The following KLRK1 variants were observed in gnomAD, a reference collection of about 807,000 sequenced individuals.
KLRK1 encodes killer cell lectin like receptor K1, also known as NKG2-D type II integral membrane protein.
KLRK1 carries 40 observed loss-of-function variants against 31.3 expected under a neutral mutation model. That is an observed-to-expected ratio of 1.28 (90% CI 0.99 to 1.67). The LOEUF (loss-of-function observed/expected upper bound fraction) is 1.67. Among genes scored for constraint, KLRK1 ranks in the 40% most tolerant of loss-of-function variants. The probability of loss-of-function intolerance (pLI) is 0.00; values close to 1 mark genes in which losing one functional copy is unlikely to be tolerated. For missense variants in KLRK1, 251 were observed against 260.0 expected, an observed-to-expected ratio of 0.97 and a Z score of 0.24; for synonymous variants, 77 against 77.3, an observed-to-expected ratio of 1.00 and a Z score of 0.02.
chr12:10,375,638 T>C lies in KLRK1; in HGVS notation c.534-2407A>G, dbSNP rs146607867. Among the ~76,000 whole-genome samples the C allele has an allele frequency of 3.9e-3, 601 of 152,292 alleles. 4 individuals carry two copies. The highest frequency in any genetic ancestry group is 0.014 in the African/African-American group (577 of 41,562). ...TTTACAATCTAGAGGACTTCTGCAA[T>C]ATTTGTGATATTATGAGACTGAAAA... is the stretch of plus-strand genomic sequence containing the variant. On this transcript the variant is annotated intron_variant, in intron 7 of 7. Transcript: ENST00000240618.
chr12:10,386,902 C>T lies in KLRK1; in HGVS notation c.148+1G>A. 1 of 1,611,120 alleles carries T rather than the reference C, an allele frequency of 6.2e-7. No individual in the cohort carries two copies. The highest frequency in any genetic ancestry group is 2.2e-5 in the East Asian group (1 of 44,640). Reference sequence around the variant, plus strand: ...GTAGACAAATGGAACATAGGACTTACCATTTTCTCTACATTTGCTTTTGAC... The same window carrying T: ...GTAGACAAATGGAACATAGGACTTATCATTTTCTCTACATTTGCTTTTGAC... On this transcript the variant is annotated splice_donor_variant, in intron 3 of 7. Transcript: ENST00000240618. LOFTEE classifies it high-confidence loss of function.
intron 7 of KLRK1, chr12:10,374,048 C>G (rs533010219): frequency 2.0e-5 from 3 of 152,380 alleles, no homozygotes; most frequent in Admixed American, 6.5e-5. Context: ...GAATCTTGCT[C>G]CGCTGCCAAG....
At chr12:10,386,382 TTC>T (rs1863167992) in intron 3 of KLRK1, among the ~76,000 whole-genome samples, 1 of 152,110 alleles carries the variant, frequency 6.6e-6, no homozygotes, top group Non-Finnish European at 1.5e-5. Context: ...AATAATTTGT[TTC>T]TTAGTTTTTA....
In KLRK1 at chr12:10,379,450, T is replaced by G; in HGVS notation, c.274A>C (p.Thr92Pro). 1 of 1,461,444 alleles carries G rather than the reference T, an allele frequency of 6.8e-7. No individual in the cohort carries two copies. Among genetic ancestry groups the G allele is most frequent in the African/African-American group, 1.4e-5 (1 of 71,042 alleles). The allele number at this position is 1,461,444 out of a possible 1,614,324, so 90.5% of individuals were successfully genotyped here. The stretch of plus-strand genomic sequence containing the variant: ...AATATTTTAAAAATTCACTTACCGG[T>G]CAAGGGAATTTGAACTTCTTGGTTG... ...LFNQEVQIPL[T>P]ESYCGPCPKN... is the part of the protein sequence containing the mutation. Residue 92 changes from threonine (T) to proline (P), a missense_variant, in exon 5 of 8, where the codon ACC (threonine) becomes CCC (proline). Thr to Pro is a conservative substitution (Grantham distance 38, BLOSUM62 -1). Transcript: ENST00000240618.
intron 2 of KLRK1, 112 bp downstream of exon 2, chr12:10,388,659 T>A: frequency 2.5e-6 from 3 of 1,203,340 alleles, no homozygotes; most frequent in Non-Finnish European, 3.6e-6. Flanking sequence ...AAATAGAACA[T>A]GAAAAGAATC....
intron 6 of KLRK1, 56 bp downstream of exon 6, chr12:10,378,498 G>A (rs1863005899): frequency 2.5e-6 from 4 of 1,594,824 alleles, no homozygotes; most frequent in Non-Finnish European, 3.4e-6. Flanking sequence ...ATTCCAGTGA[G>A]TTGTCTCAGA....
intron 7 of KLRK1, among the ~76,000 whole-genome samples, chr12:10,374,414 C>A (rs2137800578): frequency 8.9e-6 from 1 of 112,702 alleles, no homozygotes; most frequent in South Asian, 2.4e-4. Context: ...TTTTTTTTGA[C>A]AGTGTTTTGC....
chr12:10,385,670 G>A (rs1863155293), intron 3 of KLRK1, among the ~76,000 whole-genome samples: 1 of 152,030 alleles, frequency 6.6e-6, no homozygotes, highest in South Asian at 2.1e-4. Context: ...AGCTACATGC[G>A]GGATTTTTCT....
chr12:10,388,994 A>G (rs1863222290), intron 1 of KLRK1, 119 bp from the exon 2 acceptor site: 1 of 574,922 alleles, frequency 1.7e-6, no homozygotes, highest in South Asian at 3.3e-5. Flanking sequence ...TTAAGAAAAG[A>G]ATAGAAATGA....
chr12:10,378,456 G>A, intron 6 of KLRK1, 98 bp downstream of exon 6: 1 of 1,547,282 alleles, frequency 6.5e-7, no homozygotes, highest in South Asian at 1.2e-5. Flanking sequence ...GAATAACCAA[G>A]TCACAGTGTC....
chr12:10,378,845 T>A, intron 5 of KLRK1, 140 bp from the exon 6 acceptor site: 1 of 1,025,848 alleles, frequency 9.7e-7, no homozygotes, highest in Non-Finnish European at 1.4e-6. Flanking sequence ...CAAAGGCATA[T>A]CTCTACATAT....
chr12:10,374,376 T>C (rs1308898892), intron 7 of KLRK1, among the ~76,000 whole-genome samples: 1 of 146,540 alleles, frequency 6.8e-6, no homozygotes, highest in Non-Finnish European at 1.5e-5. Context: ...CTCGTTCTTT[T>C]TTTCTTTCTT....
At chr12:10,378,295 A>G in intron 6 of KLRK1, 60 bp from the exon 7 acceptor site, 2 of 1,545,042 alleles carry the variant, frequency 1.3e-6, no homozygotes, top group Non-Finnish European at 1.8e-6. Context: ...TAGTAAACGC[A>G]AGACCATAAC....
In KLRK1 at chr12:10,385,367, G is replaced by GACACGCACACACAGACACAC. The variant is rs1863147430; in HGVS notation, c.148+1535_148+1536insGTGTGTCTGTGTGTGCGTGT. On this transcript the variant is annotated intron_variant, in intron 3 of 7. Transcript: ENST00000240618. Reference sequence around the variant, plus strand: ...ACAGATAAATAGCTAAGCACACACAGACACACACACACACACACACACACA... The same window carrying GACACGCACACACAGACACAC: ...ACAGATAAATAGCTAAGCACACACAGACACGCACACACAGACACACACACACACACACACACACACACACA... Among the ~76,000 whole-genome samples the GACACGCACACACAGACACAC allele has an allele frequency of 2.7e-5, 4 of 145,822 alleles. No homozygotes were observed. The South Asian group carries it at 8.7e-4, about 32-fold the overall frequency.
intron 3 of KLRK1, 152 bp downstream of exon 3, chr12:10,386,751 A>G: frequency 2.9e-6 from 1 of 346,024 alleles, no homozygotes; most frequent in Non-Finnish European, 5.0e-6. Flanking sequence ...CCATAATTTT[A>G]TTATATATTT....
chr12:10,378,064 T>A, intron 7 of KLRK1, 68 bp downstream of exon 7: 1 of 1,456,224 alleles, frequency 6.9e-7, no homozygotes, highest in Non-Finnish European at 9.5e-7. Context: ...GATGAGTGAT[T>A]AGAATTATTA....
At chr12:10,388,301 A>T (rs2137822486) in intron 2 of KLRK1, among the ~76,000 whole-genome samples, 1 of 152,344 alleles carries the variant, frequency 6.6e-6, no homozygotes, top group East Asian at 1.9e-4. Flanking sequence ...TGAATAAGTT[A>T]TAAATTTATA....
chr12:10,383,129 G>T (rs968237822), intron 3 of KLRK1, among the ~76,000 whole-genome samples: 1 of 151,924 alleles, frequency 6.6e-6, no homozygotes, highest in Non-Finnish European at 1.5e-5. Flanking sequence ...GAACAAAATG[G>T]CAATAGTAAG....
At chr12:10,379,614 G>T in intron 4 of KLRK1, 86 bp downstream of exon 4, 1 of 1,394,230 alleles carries the variant, frequency 7.2e-7, no homozygotes, top group Non-Finnish European at 9.8e-7. Flanking sequence ...TAGTTTATGT[G>T]TCTGTGTTTA....
Sources: gnomAD v4.1 joint callset for allele counts (sites outside exome capture counted in the v4.1 genomes callset) on GRCh38, gnomAD v4.1.1 for gene constraint, MANE v1.5 for transcripts, NCBI Gene and HGNC (gene_info 2026-07-23, HGNC 2026-07-21) for gene names.